Variants in KIAA1549 observed in about 807,000 individuals in gnomAD.
KIAA1549 encodes UPF0606 protein KIAA1549.
KIAA1549 carries 70 observed loss-of-function variants against 156.4 expected under a neutral mutation model. The observed-to-expected ratio is 0.45, with a 90% CI of 0.37 to 0.55. KIAA1549 has a LOEUF of 0.55. Ranked by LOEUF, KIAA1549 falls within the 20% of genes least tolerant of loss-of-function variation. KIAA1549 has a pLI of 0.00. For synonymous variants in KIAA1549, 1,103 were observed against 1,066.4 expected (o/e 1.03, Z -0.67); for missense variants, 2,428 against 2,540.9 (o/e 0.96, Z 0.96).
intron 17 of KIAA1549, 136 bp downstream of exon 17, chr7:138,852,087 C>T (rs1025262166): frequency 2.6e-5 from 15 of 569,084 alleles, no homozygotes; most frequent in South Asian, 5.2e-5. Context: ...TTTCCCTCCT[C>T]TTCTGGTTAG....
rs1439747646 is a variant in KIAA1549, at chr7:138,832,578, T to A, written c.*5328A>T. On this transcript the variant is annotated 3_prime_UTR_variant, in exon 20 of 20. Coordinates refer to ENST00000422774, the MANE Select transcript of KIAA1549 (RefSeq NM_001164665.2). ...AGGAAAAGGAAGGATCCTGGATAAT[T>A]ATCTACCCTGTGGGAAGCCATTTTA... The A allele has an allele frequency of 9.7e-6, 2 of 205,640 alleles. No homozygotes were observed. The highest frequency in any genetic ancestry group is 2.0e-5 in the Non-Finnish European group (2 of 100,638). 12.7% of individuals were successfully genotyped at this position (205,640 alleles called of 1,614,324 possible).
At chr7:138,943,820 G>A (rs1463920176) in intron 1 of KIAA1549, among the ~76,000 whole-genome samples, 1 of 151,592 alleles carries the variant, frequency 6.6e-6, no homozygotes, top group African/African-American at 2.4e-5. Flanking sequence ...CTGCACTCCA[G>A]CCTGGGCGAC....
Position 138,832,476 on chromosome 7 carries a change from G to C in KIAA1549, c.*5430C>G, listed in dbSNP as rs1809565725. On this transcript the variant is annotated 3_prime_UTR_variant, in exon 20 of 20. Transcript: ENST00000422774. ...AGCCTCCCAAAGCGTTGAGATTAGAGGCTTGAGCCACCATGCCCAGCCTAT... is the reference window on the plus strand; with the variant it reads ...AGCCTCCCAAAGCGTTGAGATTAGACGCTTGAGCCACCATGCCCAGCCTAT... 3 of 195,052 alleles carry C rather than the reference G, an allele frequency of 1.5e-5. No homozygotes were observed. 12.1% of individuals were successfully genotyped at this position (195,052 alleles called of 1,614,324 possible).
At chr7:138,925,596 G>A (rs1266858523) in intron 1 of KIAA1549, among the ~76,000 whole-genome samples, 1 of 152,108 alleles carries the variant, frequency 6.6e-6, no homozygotes, top group Non-Finnish European at 1.5e-5. Flanking sequence ...GAGGCAGGAG[G>A]TGGGAGGCGA....
chr7:138,977,655 A>C (rs977796084), intron 1 of KIAA1549, among the ~76,000 whole-genome samples: 1 of 146,814 alleles, frequency 6.8e-6, no homozygotes, highest in African/African-American at 2.5e-5. Context: ...TACTCAAGAA[A>C]ACACACACAC....
intron 13 of KIAA1549, 39 bp downstream of exon 13, chr7:138,871,118 A>C (rs1218523065): frequency 1.9e-6 from 3 of 1,588,076 alleles, no homozygotes; most frequent in Admixed American, 1.7e-5. Flanking sequence ...GGCTTAGCCG[A>C]GTTTTTTAAG....
intron 2 of KIAA1549, among the ~76,000 whole-genome samples, chr7:138,916,181 A>G (rs565740937): frequency 6.6e-6 from 1 of 152,224 alleles, no homozygotes; most frequent in Non-Finnish European, 1.5e-5. Context: ...GACCTATGAG[A>G]GCAAAGTGCA....
chr7:138,875,532 C>T (rs990435954), intron 12 of KIAA1549, among the ~76,000 whole-genome samples: 4 of 152,080 alleles, frequency 2.6e-5, no homozygotes, highest in African/African-American at 9.7e-5. Context: ...GTAGTCCCAG[C>T]TACTCAGGAG....
chr7:138,911,925 G>A (rs569964880), intron 3 of KIAA1549, among the ~76,000 whole-genome samples: 1 of 152,280 alleles, frequency 6.6e-6, no homozygotes, highest in South Asian at 2.1e-4. Context: ...TGCTCTAGAT[G>A]GACTGTGGCT....
intron 1 of KIAA1549, among the ~76,000 whole-genome samples, chr7:138,928,156 C>T (rs916872644): frequency 3.3e-5 from 5 of 151,928 alleles, no homozygotes; most frequent in Non-Finnish European, 7.4e-5. Context: ...CTCCTGACCT[C>T]GTGATCCGCC....
chr7:138,838,251 G>T, intron 19 of KIAA1549, 91 bp from the exon 20 acceptor site: 2 of 1,331,900 alleles, frequency 1.5e-6, no homozygotes, highest in Non-Finnish European at 9.9e-7. Flanking sequence ...TCCCAGGACT[G>T]CCCACGTCCA....
rs535851104 is a variant in KIAA1549, at chr7:138,979,041, T to C, written c.187+2042A>G. On this transcript the variant is annotated intron_variant, in intron 1 of 19. Transcript: ENST00000422774. Reference sequence around the variant, plus strand: ...GGTCTGTGCAAGGGTTTGTACTTCCTTCACTGCTCTGTGTTTCCAGCTGGA... The same window carrying C: ...GGTCTGTGCAAGGGTTTGTACTTCCCTCACTGCTCTGTGTTTCCAGCTGGA... 3.3e-5 allele frequency among the ~76,000 whole-genome samples: 5 copies of C among 152,344 alleles called. No individual in the cohort carries two copies. The East Asian group carries it at 9.6e-4, about 29-fold the overall frequency.
At chr7:138,867,707 G>A (rs933307049) in intron 15 of KIAA1549, among the ~76,000 whole-genome samples, 6 of 152,326 alleles carry the variant, frequency 3.9e-5, no homozygotes, top group East Asian at 1.9e-4. Context: ...CGGGGCTTAC[G>A]TATAGAGAGG....
rs1423193958 is a variant in KIAA1549, at chr7:138,844,189, G to A, written c.5452+128C>T. The A allele has an allele frequency of 9.4e-6, 10 of 1,069,052 alleles. No individual in the cohort carries two copies. In the African/African-American group the frequency reaches 1.1e-4, roughly 12 times the overall value. The allele number at this position is 1,069,052 out of a possible 1,614,324, so 66.2% of individuals were successfully genotyped here. A position where few individuals can be genotyped will look rare whatever the true frequency, so the allele number is the denominator to read the frequency against. ...CGCCTCCATCTCGGTCAGGATATGA[G>A]GGGAAACAGCCCTGAAACAGCAGTG... On this transcript the variant is annotated intron_variant, in intron 18 of 19. Transcript: ENST00000422774.
rs761366843 is a variant in KIAA1549 at position 138,919,073 on chromosome 7, G to A, written c.553C>T (p.Leu185=). 1.9e-6 allele frequency: 3 copies of A among 1,613,918 alleles called. No individual in the cohort carries two copies. Among genetic ancestry groups the A allele is most frequent in the African/African-American group, 2.7e-5 (2 of 74,936 alleles). The change falls in exon 2 of 20, where the codon CTG becomes TTG. Residue 185 remains leucine, a synonymous_variant. Transcript: ENST00000422774. The stretch of plus-strand genomic sequence containing the variant: ...ATAGGTTCTAATGCTTCCCTGGGCA[G>A]CCCTGGTGGGCTGACTGTGATATAC... The part of the protein sequence containing the change: ...IQYITVSPPG[L]PREALEPMLT...
intron 1 of KIAA1549, among the ~76,000 whole-genome samples, chr7:138,936,269 G>A (rs1247066321): frequency 6.6e-6 from 1 of 152,122 alleles, no homozygotes; most frequent in Non-Finnish European, 1.5e-5. Flanking sequence ...AGTTACAACT[G>A]TCCACTAGGC....
chr7:138,846,305 C>T (rs10249224), intron 17 of KIAA1549, among the ~76,000 whole-genome samples: 92,473 of 151,768 alleles, frequency 0.61, 29,362 homozygotes, highest in East Asian at 0.86. Flanking sequence ...GAGGCCAAGG[C>T]GGGCAGATCA....
intron 14 of KIAA1549, among the ~76,000 whole-genome samples, chr7:138,869,092 C>T (rs74690743): frequency 0.084 from 12,813 of 152,208 alleles, 675 homozygotes; most frequent in East Asian, 0.22. Flanking sequence ...AGAAAACCAA[C>T]GAAGATCTGC....
At chr7:138,899,157 C>T (rs1248107421) in intron 8 of KIAA1549, 25 bp from the exon 9 acceptor site, 1 of 1,608,382 alleles carries the variant, frequency 6.2e-7, no homozygotes, top group Non-Finnish European at 8.5e-7. Context: ...AAACCATTCA[C>T]ATTGCAGAAG....
Sources: gnomAD v4.1 joint callset for allele counts (sites outside exome capture counted in the v4.1 genomes callset) on GRCh38, gnomAD v4.1.1 for gene constraint, MANE v1.5 for transcripts, NCBI Gene and HGNC (gene_info 2026-07-23, HGNC 2026-07-21) for gene names.